Variants in SMG9 observed in about 807,000 individuals in gnomAD.
SMG9 encodes SMG9 nonsense mediated mRNA decay factor.
A neutral mutation model predicts 64.0 loss-of-function variants in SMG9; 55 were observed. The ratio of observed to expected loss-of-function variants is 0.86; its 90% confidence interval spans 0.69 to 1.08. SMG9 has a LOEUF of 1.08. Ranked by LOEUF, SMG9 falls within the 50% of genes least tolerant of loss-of-function variation. The probability of loss-of-function intolerance (pLI) is 0.00; values close to 1 mark genes in which losing one functional copy is unlikely to be tolerated. For synonymous variants in SMG9, 244 were observed against 254.8 expected (o/e 0.96, Z 0.41); for missense variants, 554 against 681.3 (o/e 0.81, Z 2.08).
In SMG9 at chr19:43,729,064, G is replaced by A. The variant is rs943964661; in HGVS notation, c.*2532C>T. ...TGAGTCCTCTGCTGGATGTAAAGGGGGTGGCGGGTGACCGGTACATACTTA... is the reference window on the plus strand; with the variant it reads ...TGAGTCCTCTGCTGGATGTAAAGGGAGTGGCGGGTGACCGGTACATACTTA... On this transcript the variant is annotated 3_prime_UTR_variant, in exon 14 of 14. Coordinates refer to ENST00000270066, the MANE Select transcript of SMG9 (RefSeq NM_019108.4). 1.6e-5 allele frequency: 16 copies of A among 984,690 alleles called. No individual in the cohort carries two copies. The highest frequency in any genetic ancestry group is 1.9e-5 in the Non-Finnish European group (16 of 829,390). The allele number at this position is 984,690 out of a possible 1,614,324, so 61.0% of individuals were successfully genotyped here.
chr19:43,746,247 T>C (rs1458092698), intron 5 of SMG9, among the ~76,000 whole-genome samples: 1 of 152,228 alleles, frequency 6.6e-6, no homozygotes, highest in African/African-American at 2.4e-5. Context: ...TATCTATGGA[T>C]GCCCTGTTCA....
intron 7 of SMG9, among the ~76,000 whole-genome samples, chr19:43,739,259 T>C (rs1968772207): frequency 6.6e-6 from 1 of 152,202 alleles, no homozygotes; most frequent in Non-Finnish European, 1.5e-5. Context: ...ATGGTATTAA[T>C]TGCTAAGGGT....
At chr19:43,750,443 T>C (rs1020434013) in intron 2 of SMG9, 149 bp downstream of exon 2, 2 of 945,602 alleles carry the variant, frequency 2.1e-6, no homozygotes, top group Non-Finnish European at 3.1e-6. Context: ...TAGAACAGTC[T>C]CCTTTATCAC....
At chr19:43,752,646 C>T (rs1969223544) in intron 1 of SMG9, among the ~76,000 whole-genome samples, 1 of 152,080 alleles carries the variant, frequency 6.6e-6, no homozygotes, top group Non-Finnish European at 1.5e-5. Context: ...ACCTGTAATC[C>T]CGACACTTTG....
Position 43,733,373 on chromosome 19 carries a change from C to T in SMG9, c.1290G>A (p.Leu430=), listed in dbSNP as rs144177272. Residue 430 remains leucine (L), a synonymous_variant, in exon 12 of 14, where the codon CTG becomes CTA. Coordinates refer to ENST00000270066, the MANE Select transcript of SMG9 (RefSeq NM_019108.4). ...DFLDSEVNLF[L]VPFMDSEAES... is the part of the protein sequence containing the mutation. ...CTGCTTCACTGTCCATGAAGGGTAC[C>T]AGGAATAAGTTGACCTCAGAGTCCA... 4.9e-3 allele frequency: 7,975 copies of T among 1,614,076 alleles called. 29 individuals are homozygous for T. Among genetic ancestry groups the T allele is most frequent in the South Asian group, 9.0e-3 (821 of 91,064 alleles).
In SMG9 at chr19:43,754,706, G is replaced by C. The variant is rs1039658573; in HGVS notation, c.-59C>G. ...GGCGCGGTGTGCGCTCTCCCGTGAC[G>C]GGAGTCGGGTGGGGGCGGGGAGGCT... is the stretch of plus-strand genomic sequence containing the variant. On this transcript the variant is annotated 5_prime_UTR_variant, in exon 1 of 14. Transcript: ENST00000270066. 6.6e-6 allele frequency: 1 copy of C among 152,112 alleles called. No individual in the cohort carries two copies. The highest frequency in any genetic ancestry group is 1.5e-5 in the Non-Finnish European group (1 of 68,016). 9.4% of individuals were successfully genotyped at this position (152,112 alleles called of 1,614,324 possible).
At chr19:43,732,689 C>T in intron 13 of SMG9, 169 bp downstream of exon 13, 1 of 750,288 alleles carries the variant, frequency 1.3e-6, no homozygotes, top group Non-Finnish European at 2.1e-6. Context: ...CATGTTGCCA[C>T]ATGGGTGAGA....
In SMG9 at chr19:43,728,789, C is replaced by A. The variant is rs144577545; in HGVS notation, c.*2807G>T. The A allele has an allele frequency of 2.7e-4, 46 of 167,394 alleles. No homozygotes were observed. Among genetic ancestry groups the A allele is most frequent in the Non-Finnish European group, 5.5e-4 (45 of 81,808 alleles). 10.4% of individuals were successfully genotyped at this position (167,394 alleles called of 1,614,324 possible). ...GCTGCCAGCACAACATGGCCTGCTC[C>A]AGTGTAGAAGCTGATTGAGCGGTGC... On this transcript the variant is annotated 3_prime_UTR_variant, in exon 14 of 14. Transcript: ENST00000270066.
chr19:43,731,790 C>A (rs951675721), intron 13 of SMG9, 116 bp from the exon 14 acceptor site: 8 of 1,220,752 alleles, frequency 6.6e-6, no homozygotes, highest in Non-Finnish European at 9.3e-6. Flanking sequence ...TGACTCTGAG[C>A]CTCTTGGAAC....
chr19:43,733,233 C>A, intron 12 of SMG9, 91 bp downstream of exon 12: 7 of 1,531,648 alleles, frequency 4.6e-6, no homozygotes, highest in Non-Finnish European at 6.2e-6. Context: ...ACCAGGGCAA[C>A]CCATGTCGCC....
At chr19:43,744,723 C>T (rs754863752) in intron 6 of SMG9, 49 bp downstream of exon 6, 4 of 1,449,280 alleles carry the variant, frequency 2.8e-6, no homozygotes, top group Admixed American at 1.9e-5. Context: ...TGCCCCTGCT[C>T]CCAGTGGGTG....
chr19:43,752,695 C>T (rs761816279), intron 1 of SMG9, among the ~76,000 whole-genome samples: 2 of 152,010 alleles, frequency 1.3e-5, no homozygotes, highest in African/African-American at 2.4e-5. Flanking sequence ...CCCAGGAGTT[C>T]GAGACCAGCT....
intron 6 of SMG9, among the ~76,000 whole-genome samples, chr19:43,741,207 T>C (rs536543891): frequency 2.0e-5 from 3 of 152,276 alleles, no homozygotes; most frequent in South Asian, 2.1e-4. Context: ...CAAGTGCAGA[T>C]TGCTTAGTTG....
At chr19:43,751,335 C>T (rs1049119569) in intron 1 of SMG9, among the ~76,000 whole-genome samples, 5 of 152,000 alleles carry the variant, frequency 3.3e-5, no homozygotes, top group Admixed American at 2.0e-4. Context: ...TGGGGTTTCA[C>T]CATGTTGGCC....
chr19:43,733,601 TG>T (rs771521466), intron 11 of SMG9, 24 bp downstream of exon 11: 56 of 1,611,912 alleles, frequency 3.5e-5, no homozygotes, highest in Admixed American at 5.0e-5. Context: ...CTGACTAGCT[TG>T]GGGGGTGATG....
Position 43,728,615 on chromosome 19 carries a change from A to G in SMG9, c.*2981T>C, listed in dbSNP as rs1176946498. On this transcript the variant is annotated 3_prime_UTR_variant, in exon 14 of 14. Transcript: ENST00000270066. ...CAATCATCACCTTATTTTGCAGACA[A>G]AACAGATGCCCAGCAAGCTTTAGCA... 1 of 152,266 alleles carries G rather than the reference A, an allele frequency of 6.6e-6. No individual in the cohort carries two copies. Among genetic ancestry groups the G allele is most frequent in the Non-Finnish European group, 1.5e-5 (1 of 68,048 alleles). The allele number at this position is 152,266 out of a possible 1,614,324, so 9.4% of individuals were successfully genotyped here.
chr19:43,749,095 T>C (rs1488135810), intron 2 of SMG9, among the ~76,000 whole-genome samples: 1 of 152,232 alleles, frequency 6.6e-6, no homozygotes. Flanking sequence ...TTCCCTTAAA[T>C]GTCACGTTGG....
chr19:43,735,694 T>A (rs1455405927), intron 9 of SMG9, among the ~76,000 whole-genome samples: 1 of 152,072 alleles, frequency 6.6e-6, no homozygotes, highest in Non-Finnish European at 1.5e-5. Flanking sequence ...AATAATTTTT[T>A]ACAATAGGTT....
In SMG9 at chr19:43,750,697, C is replaced by T. The variant is rs1305741006; in HGVS notation, c.45G>A (p.Glu15=). 2 of 1,614,024 alleles carry T rather than the reference C, an allele frequency of 1.2e-6. No individual in the cohort carries two copies. Among genetic ancestry groups the T allele is most frequent in the Non-Finnish European group, 1.7e-6 (2 of 1,179,962 alleles). Residue 15 remains glutamate (E), a synonymous_variant, in exon 2 of 14, where the codon GAG becomes GAA. Transcript: ENST00000270066. ...GHSQPGLYGI[E]RRRRWKEPGS... The stretch of plus-strand genomic sequence containing the variant: ...CAGGCTCCTTCCACCGTCGCCGCCG[C>T]TCTATCCCATAGAGTCCAGGCTGAC...
Sources: gnomAD v4.1 joint callset for allele counts (sites outside exome capture counted in the v4.1 genomes callset) on GRCh38, gnomAD v4.1.1 for gene constraint, MANE v1.5 for transcripts, NCBI Gene and HGNC (gene_info 2026-07-23, HGNC 2026-07-21) for gene names.